PEAK1: variants seen among roughly 807,000 people sequenced by gnomAD.
PEAK1 encodes the protein inactive tyrosine-protein kinase PEAK1.
Under a neutral mutation model 124.7 loss-of-function variants are expected in PEAK1, and 54 were observed. The ratio of observed to expected loss-of-function variants is 0.43; its 90% CI spans 0.35 to 0.54. PEAK1 has a LOEUF of 0.54. Among genes scored for constraint, PEAK1 ranks in the 20% least tolerant of loss-of-function variants. The pLI, the probability that PEAK1 is intolerant of heterozygous loss-of-function variation, is 0.01. For synonymous variants in PEAK1, 719 were observed against 760.0 expected (o/e 0.95, Z 0.89); for missense variants, 2,046 against 2,134.5 (o/e 0.96, Z 0.82).
At chr15:77,338,619 C>T (rs866532999) in intron 2 of PEAK1, among the ~76,000 whole-genome samples, 41 of 113,376 alleles carry the variant, frequency 3.6e-4, no homozygotes, top group African/African-American at 1.4e-3. Flanking sequence ...AAACATACAC[C>T]ACATGAAAAA....
intron 1 of PEAK1, chr15:77,419,076 TA>T: frequency 1.0e-6 from 1 of 985,414 alleles, no homozygotes; most frequent in Non-Finnish European, 1.2e-6. Flanking sequence ...AGTTTTCCTC[TA>T]ACTCATCACT....
chr15:77,245,126 A>C (rs553703270), intron 6 of PEAK1, among the ~76,000 whole-genome samples: 1 of 151,992 alleles, frequency 6.6e-6, no homozygotes, highest in Admixed American at 6.5e-5. Context: ...ACTCTTTTTC[A>C]TTTATTTCCA....
At chr15:77,362,375 G>A (rs1311631809) in intron 2 of PEAK1, among the ~76,000 whole-genome samples, 1 of 151,534 alleles carries the variant, frequency 6.6e-6, no homozygotes, top group African/African-American at 2.4e-5. Context: ...AAAAGAAAAT[G>A]TTCAAATGGC....
At chr15:77,340,287 T>TA (rs1165583684) in intron 2 of PEAK1, among the ~76,000 whole-genome samples, 1 of 152,140 alleles carries the variant, frequency 6.6e-6, no homozygotes, top group African/African-American at 2.4e-5. Context: ...TATTCAGGAA[T>TA]AAAAATAAAT....
rs913027213 is a variant in PEAK1, at chr15:77,178,930, C to T, written c.2997G>A (p.Gln999=). 3 of 1,613,990 alleles carry T rather than the reference C, an allele frequency of 1.9e-6. No homozygotes were observed. The highest frequency in any genetic ancestry group is 2.5e-6 in the Non-Finnish European group (3 of 1,180,018). Residue 999 remains glutamine (Q), a synonymous_variant, in exon 7 of 10, where the codon CAG becomes CAA. Transcript: ENST00000682557. ...TAGCCTTGCTCTGATCCACACTGAG[C>T]TGGCCTTGAGCAGGGTCGCACCTGT... The part of the protein sequence containing the change: ...FMYRCDPAQG[Q]LSVDQSKART...
At chr15:77,175,579 T>C (rs1296611043) in intron 7 of PEAK1, among the ~76,000 whole-genome samples, 32 of 152,052 alleles carry the variant, frequency 2.1e-4, no homozygotes, top group African/African-American at 6.3e-4. Flanking sequence ...GTTAGAATGG[T>C]GATCATTAAA....
At chr15:77,329,328 A>G (rs2065765592) in intron 2 of PEAK1, among the ~76,000 whole-genome samples, 1 of 152,164 alleles carries the variant, frequency 6.6e-6, no homozygotes, top group Non-Finnish European at 1.5e-5. Flanking sequence ...CACTGAAAGC[A>G]AGGATTACTA....
chr15:77,256,577 A>C (rs992039939), intron 5 of PEAK1, among the ~76,000 whole-genome samples: 1 of 152,134 alleles, frequency 6.6e-6, no homozygotes, highest in Non-Finnish European at 1.5e-5. Flanking sequence ...AATAGTTTTT[A>C]CATTTTTAAA....
At chr15:77,281,770 A>G (rs1017323060) in intron 5 of PEAK1, among the ~76,000 whole-genome samples, 1 of 152,214 alleles carries the variant, frequency 6.6e-6, no homozygotes, top group African/African-American at 2.4e-5. Context: ...AGCTAATGAA[A>G]TATTCAATAA....
intron 5 of PEAK1, among the ~76,000 whole-genome samples, chr15:77,278,961 T>C (rs543414642): frequency 1.3e-5 from 2 of 150,250 alleles, no homozygotes; most frequent in African/African-American, 2.5e-5. Flanking sequence ...GCCTCCCGAG[T>C]AGCTGGGATT....
intron 7 of PEAK1, among the ~76,000 whole-genome samples, chr15:77,165,868 G>C (rs1596434001): frequency 6.6e-6 from 1 of 152,076 alleles, no homozygotes; most frequent in South Asian, 2.1e-4. Context: ...AAATTACATG[G>C]GTAGTAAGGT....
chr15:77,156,206 C>A, intron 8 of PEAK1: 1 of 155,112 alleles, frequency 6.4e-6, no homozygotes, highest in South Asian at 2.0e-4. Context: ...CAACGGCAGG[C>A]GCCCCTCCCC....
intron 1 of PEAK1, among the ~76,000 whole-genome samples, chr15:77,387,942 G>A (rs1457664700): frequency 1.3e-5 from 2 of 152,206 alleles, no homozygotes; most frequent in Admixed American, 6.5e-5. Flanking sequence ...AGTCAGAGGA[G>A]AGTTGGTTAG....
In PEAK1 at chr15:77,180,666, A is replaced by G. The variant is rs1003940171; in HGVS notation, c.1261T>C (p.Leu421=). 2 of 1,614,014 alleles carry G rather than the reference A, an allele frequency of 1.2e-6. No homozygotes were observed. The highest frequency in any genetic ancestry group is 1.3e-5 in the African/African-American group (1 of 74,902). Residue 421 remains leucine (L), a synonymous_variant, in exon 7 of 10, where the codon TTA becomes CTA. Transcript: ENST00000682557. ...ETHKAVLALR[L]EEKDGKIAVQ... Reference sequence around the variant, plus strand: ...GCAATCTTGCCATCTTTCTCTTCTAATCGGAGAGCAAGGACTGCTTTGTGG... The same window carrying G: ...GCAATCTTGCCATCTTTCTCTTCTAGTCGGAGAGCAAGGACTGCTTTGTGG...
intron 2 of PEAK1, among the ~76,000 whole-genome samples, chr15:77,317,365 TA>T (rs1354435823): frequency 6.6e-6 from 1 of 152,226 alleles, no homozygotes; most frequent in East Asian, 1.9e-4. Context: ...TCAAAAAAAC[TA>T]AACAACTTGT....
chr15:77,396,195 T>C (rs891426933), intron 1 of PEAK1, among the ~76,000 whole-genome samples: 3 of 152,022 alleles, frequency 2.0e-5, no homozygotes, highest in Non-Finnish European at 2.9e-5. Flanking sequence ...TATAGATAGG[T>C]AGGTAGATAG....
intron 6 of PEAK1, among the ~76,000 whole-genome samples, chr15:77,245,287 C>T (rs1341547007): frequency 6.6e-6 from 1 of 150,930 alleles, no homozygotes; most frequent in Non-Finnish European, 1.5e-5. Context: ...CCCAAGAAGT[C>T]AAGGTTGCAG....
chr15:77,222,244 A>C (rs902460356), intron 6 of PEAK1, among the ~76,000 whole-genome samples: 4 of 152,120 alleles, frequency 2.6e-5, no homozygotes, highest in African/African-American at 9.7e-5. Flanking sequence ...ACAAATCACA[A>C]AATTTGTTTC....
chr15:77,325,245 T>C (rs2065492807), intron 2 of PEAK1, among the ~76,000 whole-genome samples: 1 of 151,934 alleles, frequency 6.6e-6, no homozygotes, highest in Non-Finnish European at 1.5e-5. Flanking sequence ...GGGAGCCCTG[T>C]CTCTATAAAA....
Sources: allele counts gnomAD v4.1 joint callset (sites outside exome capture counted in the v4.1 genomes callset), GRCh38; gene constraint gnomAD v4.1.1; transcripts MANE v1.5; gene names NCBI Gene and HGNC (gene_info 2026-07-23, HGNC 2026-07-21).